ABCD3: variants seen among roughly 807,000 people sequenced by gnomAD.
ABCD3 encodes ATP binding cassette subfamily D member 3, also known as ATP-binding cassette sub-family D member 3.
ABCD3 carries 41 observed loss-of-function variants against 105.5 expected under a neutral mutation model. That is an observed-to-expected ratio of 0.39 (90% CI 0.30 to 0.50). ABCD3 has a LOEUF of 0.50. Among genes scored for constraint, ABCD3 ranks in the 20% least tolerant of loss-of-function variants. The pLI, the probability that ABCD3 is intolerant of heterozygous loss-of-function variation, is 0.84. For synonymous variants in ABCD3, 258 were observed against 269.0 expected (o/e 0.96, Z 0.40); for missense variants, 622 against 806.3 (o/e 0.77, Z 2.77).
chr1:94,406,347 T>TG, the ABCD3 span: 1 of 221,090 alleles, frequency 4.5e-6, no homozygotes, highest in South Asian at 7.0e-5. Context: ...TTTGTTTTTT[T>TG]TTTTTTTTTT....
intron 4 of ABCD3, chr1:94,472,327 G>T (rs1648493854): frequency 1.3e-5 from 6 of 466,022 alleles, no homozygotes; most frequent in Non-Finnish European, 1.7e-5. Context: ...AGTAAGGTTT[G>T]GTTCAAACAA....
chr1:94,466,279 G>T (rs1443608244), intron 3 of ABCD3, among the ~76,000 whole-genome samples: 1 of 152,070 alleles, frequency 6.6e-6, no homozygotes, highest in Admixed American at 6.6e-5. Context: ...TATTATAAAT[G>T]TTCTTTCTAA....
At chr1:94,427,373 C>G (rs1165284292) in intron 1 of ABCD3, among the ~76,000 whole-genome samples, 1 of 152,106 alleles carries the variant, frequency 6.6e-6, no homozygotes, top group Non-Finnish European at 1.5e-5. Context: ...TTTCGTGGTC[C>G]CTTTCAAAGA....
the ABCD3 span, among the ~76,000 whole-genome samples, chr1:94,393,771 T>A: frequency 2.4e-4 from 37 of 152,302 alleles, no homozygotes; most frequent in African/African-American, 8.2e-4. Flanking sequence ...TATATCCAGG[T>A]TGGCATTATT....
rs749484549 is a variant in ABCD3 at position 94,475,223 on chromosome 1, C to T, written c.486C>T (p.Leu162=). 7.5e-6 allele frequency: 12 copies of T among 1,590,624 alleles called. No individual in the cohort carries two copies. Among genetic ancestry groups the T allele is most frequent in the Admixed American group, 1.7e-5 (1 of 59,012 alleles). ...TCCGAGTAAGGCTCACTAAATACCT[C>T]TATGAGGAGTATCTTCAGTAAGTGA... The part of the protein sequence containing the change: ...LCFRVRLTKY[L]YEEYLQAFTY... The change falls in exon 6 of 23, where the codon CTC becomes CTT. Residue 162 remains leucine, a synonymous_variant. Transcript: ENST00000370214.
At chr1:94,438,343 C>A (rs1250358416) in intron 1 of ABCD3, among the ~76,000 whole-genome samples, 1 of 143,786 alleles carries the variant, frequency 7.0e-6, no homozygotes, top group Non-Finnish European at 1.5e-5. Flanking sequence ...CACACACACA[C>A]AAACTTGAAA....
At chr1:94,451,559 A>G (rs896298956) in intron 1 of ABCD3, among the ~76,000 whole-genome samples, 1 of 152,216 alleles carries the variant, frequency 6.6e-6, no homozygotes, top group African/African-American at 2.4e-5. Context: ...CAAAGGATTT[A>G]TATCACTGTA....
At chr1:94,389,681 T>C in the ABCD3 span, among the ~76,000 whole-genome samples, 2 of 152,190 alleles carry the variant, frequency 1.3e-5, no homozygotes, top group Admixed American at 1.3e-4. Flanking sequence ...CCACTCCACA[T>C]GCTATATTTC....
intron 1 of ABCD3, among the ~76,000 whole-genome samples, chr1:94,443,478 A>G (rs1660211253): frequency 1.3e-5 from 2 of 151,896 alleles, no homozygotes; most frequent in African/African-American, 2.4e-5. Flanking sequence ...TCATTTGTCT[A>G]TTTTTGTTTT....
the ABCD3 span, among the ~76,000 whole-genome samples, chr1:94,389,425 G>T: frequency 6.6e-6 from 1 of 152,228 alleles, no homozygotes; most frequent in Non-Finnish European, 1.5e-5. Flanking sequence ...AAAACTGCTT[G>T]AAGGCGTTCC....
At chr1:94,467,100 AAACATCACTTTTT>A (rs1188051393) in intron 3 of ABCD3, among the ~76,000 whole-genome samples, 3 of 152,148 alleles carry the variant, frequency 2.0e-5, no homozygotes, top group African/African-American at 7.2e-5. Flanking sequence ...AATATTCTTT[AAACATCACTTTTT>A]AACATCACTT....
chr1:94,483,376 A>G lies in ABCD3; in HGVS notation c.897+137A>G, dbSNP rs368166439. 2,444 of 677,540 alleles carry G rather than the reference A, an allele frequency of 3.6e-3. 59 individuals are homozygous for G. In the South Asian group the frequency reaches 0.039, roughly 11 times the overall value. 42.0% of individuals were successfully genotyped at this position (677,540 alleles called of 1,614,324 possible). On this transcript the variant is annotated intron_variant, in intron 10 of 22. Transcript: ENST00000370214. ...ACATATCTTAAAGATTTTTTGAAAA[A>G]TAGCTATAAAGGATTTTATACTGCA...
intron 22 of ABCD3, among the ~76,000 whole-genome samples, chr1:94,516,285 C>T (rs1430991857): frequency 6.6e-6 from 1 of 151,862 alleles, no homozygotes; most frequent in Non-Finnish European, 1.5e-5. Flanking sequence ...TATGAAAGTA[C>T]TTAATAAAAT....
intron 1 of ABCD3, among the ~76,000 whole-genome samples, chr1:94,449,592 T>C (rs1325025432): frequency 2.0e-5 from 3 of 152,204 alleles, no homozygotes; most frequent in African/African-American, 7.2e-5. Context: ...CATACCGCCC[T>C]CAAAAAGCTA....
Position 94,477,489 on chromosome 1 carries a change from G to A in ABCD3, c.628-770G>A, listed in dbSNP as rs868610834. On this transcript the variant is annotated intron_variant, in intron 7 of 22. Transcript: ENST00000370214. The stretch of plus-strand genomic sequence containing the variant: ...AAAAATACAAAAATTACCCAGGCAT[G>A]GTAATGTGCGCCTGTACTCCCAGCT... Among the ~76,000 whole-genome samples, 11 of 152,062 alleles carry A rather than the reference G, an allele frequency of 7.2e-5. No individual in the cohort carries two copies. The Middle Eastern group carries it at 0.01, about 141-fold the overall frequency.
rs754507540 is a variant in ABCD3 at position 94,458,595 on chromosome 1, T to G, written c.111-12T>G. The G allele has an allele frequency of 6.2e-7, 1 of 1,610,472 alleles. No homozygotes were observed. The highest frequency in any genetic ancestry group is 1.7e-5 in the Admixed American group (1 of 59,986). ...TAAAGTAAAGCTCTCTCTCTCTTTT[T>G]TTCCTCTGCAGTAAGAAAAGTGGAA... On this transcript the variant is annotated splice_polypyrimidine_tract_variant and intron_variant, in intron 1 of 22. Transcript: ENST00000370214.
At chr1:94,486,011 G>A (rs557773245) in intron 10 of ABCD3, among the ~76,000 whole-genome samples, 2 of 152,212 alleles carry the variant, frequency 1.3e-5, no homozygotes, top group East Asian at 3.9e-4. Context: ...GACCAACATG[G>A]CAAAACCCCA....
intron 1 of ABCD3, among the ~76,000 whole-genome samples, chr1:94,452,880 G>A (rs1289024456): frequency 6.6e-6 from 1 of 152,100 alleles, no homozygotes; most frequent in African/African-American, 2.4e-5. Flanking sequence ...TGGGACTACA[G>A]GCATGCACCA....
At position 94,512,575 on chromosome 1, in the gene ABCD3, G is replaced by GT. The variant is rs897947925; in HGVS notation, c.1846-2564dup. 3.9e-5 allele frequency among the ~76,000 whole-genome samples: 6 copies of GT among 151,910 alleles called. No homozygotes were observed. The East Asian group carries it at 7.8e-4, about 20-fold the overall frequency. On this transcript the variant is annotated intron_variant, in intron 21 of 22. Coordinates refer to ENST00000370214, the MANE Select transcript of ABCD3 (RefSeq NM_002858.4). ...CCATTAACTTTATCTAAACATTAGA[G>GT]TTTTTTTATGAATAAAACTCAACAA...
Sources: gnomAD v4.1 joint callset for allele counts (sites outside exome capture counted in the v4.1 genomes callset) on GRCh38, gnomAD v4.1.1 for gene constraint, MANE v1.5 for transcripts, NCBI Gene and HGNC (gene_info 2026-07-23, HGNC 2026-07-21) for gene names.